SLC12A2: variants seen among roughly 807,000 people sequenced by gnomAD.
The protein encoded by SLC12A2 is solute carrier family 12 member 2, also known as Na-K-2Cl cotransporter 1.
SLC12A2 carries 67 observed loss-of-function variants against 136.3 expected under a neutral mutation model. The ratio of observed to expected loss-of-function variants is 0.49; its 90% CI spans 0.40 to 0.60. The LOEUF (loss-of-function observed/expected upper bound fraction) is 0.60, where lower values mean the gene tolerates loss of function less well. Ranked by LOEUF, SLC12A2 falls within the 20% of genes least tolerant of loss-of-function variation. SLC12A2 has a pLI of 0.00. For missense variants in SLC12A2, 1,322 were observed against 1,534.7 expected, an observed-to-expected ratio of 0.86 and a Z score of 2.32; for synonymous variants, 619 against 562.9, an observed-to-expected ratio of 1.10 and a Z score of -1.41.
chr5:128,105,555 A>G (rs970726184), intron 1 of SLC12A2, among the ~76,000 whole-genome samples: 4 of 152,160 alleles, frequency 2.6e-5, no homozygotes, highest in African/African-American at 7.2e-5. Context: ...AGGGGAAGCC[A>G]GGTTGGCTTG....
chr5:128,091,822 C>G (rs935760332), intron 1 of SLC12A2, among the ~76,000 whole-genome samples: 4 of 152,166 alleles, frequency 2.6e-5, no homozygotes, highest in African/African-American at 9.7e-5. Flanking sequence ...TATCATTGGA[C>G]TCAGAAATTT....
At chr5:128,126,967 T>TATATATATAA (rs1491322749) in intron 4 of SLC12A2, among the ~76,000 whole-genome samples, 4 of 29,650 alleles carry the variant, frequency 1.3e-4, no homozygotes, top group Admixed American at 8.4e-4. Flanking sequence ...TATATATATA[T>TATATATATAA]TTTTTTTTTT....
Position 128,092,691 on chromosome 5 carries a change from T to TC in SLC12A2, c.756+7982dup, listed in dbSNP as rs1581049723. Among the ~76,000 whole-genome samples, 3 of 152,326 alleles carry TC rather than the reference T, an allele frequency of 2.0e-5. No individual in the cohort carries two copies. The East Asian group carries it at 5.8e-4, about 29-fold the overall frequency. On this transcript the variant is annotated intron_variant, in intron 1 of 26. Transcript: ENST00000262461. Reference sequence around the variant, plus strand: ...CAAAGTTTGAAACCCCGTGTGTTTTTCACATACAGTACAGCACATCTCAAT... The same window carrying TC: ...CAAAGTTTGAAACCCCGTGTGTTTTTCCACATACAGTACAGCACATCTCAAT...
intron 1 of SLC12A2, among the ~76,000 whole-genome samples, chr5:128,093,145 T>C (rs970838211): frequency 1.3e-5 from 2 of 152,064 alleles, no homozygotes; most frequent in African/African-American, 4.8e-5. Context: ...TTTGTTCTGT[T>C]TTGTTTTGTT....
At chr5:128,136,883 T>C (rs929127478) in intron 7 of SLC12A2, among the ~76,000 whole-genome samples, 5 of 152,172 alleles carry the variant, frequency 3.3e-5, no homozygotes, top group African/African-American at 1.2e-4. Flanking sequence ...CATAAATATA[T>C]ATCCAACTGA....
At chr5:128,142,017 A>T in intron 10 of SLC12A2, 36 bp downstream of exon 10, 1 of 1,576,956 alleles carries the variant, frequency 6.3e-7, no homozygotes, top group African/African-American at 1.3e-5. Context: ...GACATTCTGT[A>T]TTTATCTAGG....
At chr5:128,105,177 G>A (rs981424660) in intron 1 of SLC12A2, among the ~76,000 whole-genome samples, 4 of 152,198 alleles carry the variant, frequency 2.6e-5, no homozygotes, top group Admixed American at 2.6e-4. Flanking sequence ...AATAGTAAAT[G>A]TAATGAAACA....
chr5:128,109,273 C>T (rs1761051317), intron 1 of SLC12A2, among the ~76,000 whole-genome samples: 1 of 152,362 alleles, frequency 6.6e-6, no homozygotes, highest in East Asian at 1.9e-4. Context: ...TCCCTGGTGA[C>T]CCTCACCTAG....
chr5:128,137,763 T>C (rs771440470), intron 7 of SLC12A2, among the ~76,000 whole-genome samples: 6 of 151,064 alleles, frequency 4.0e-5, no homozygotes, highest in Non-Finnish European at 1.5e-5. Flanking sequence ...GCTTTTATTG[T>C]TGTTGAAATA....
chr5:128,123,263 T>G (rs1003412639), intron 4 of SLC12A2, among the ~76,000 whole-genome samples: 1 of 152,174 alleles, frequency 6.6e-6, no homozygotes, highest in Non-Finnish European at 1.5e-5. Context: ...TCACCTCACC[T>G]TTCCCTATTT....
intron 20 of SLC12A2, among the ~76,000 whole-genome samples, chr5:128,176,682 G>A (rs906472324): frequency 5.3e-5 from 8 of 151,836 alleles, no homozygotes; most frequent in African/African-American, 1.9e-4. Flanking sequence ...TCCATTAAAT[G>A]TTTCTAAAAT....
In SLC12A2 at chr5:128,181,013, G is replaced by A; in HGVS notation, c.3212+19G>A. The A allele has an allele frequency of 7.3e-7, 1 of 1,366,840 alleles. No homozygotes were observed. The highest frequency in any genetic ancestry group is 1.0e-6 in the Non-Finnish European group (1 of 956,186). 84.7% of individuals were successfully genotyped at this position (1,366,840 alleles called of 1,614,324 possible). The stretch of plus-strand genomic sequence containing the variant: ...GGAGAGCGTAAGTTTATTTCACATT[G>A]AAGGGCATGAATCTATTAGCACTTC... On this transcript the variant is annotated intron_variant, in intron 23 of 26. Coordinates refer to ENST00000262461, the MANE Select transcript of SLC12A2 (RefSeq NM_001046.3).
intron 4 of SLC12A2, among the ~76,000 whole-genome samples, chr5:128,119,686 T>G (rs1270044867): frequency 2.6e-5 from 4 of 152,160 alleles, no homozygotes; most frequent in African/African-American, 9.7e-5. Flanking sequence ...TTTGGCTTCC[T>G]TACACCTTAT....
intron 17 of SLC12A2, among the ~76,000 whole-genome samples, chr5:128,163,699 T>G (rs1763115262): frequency 6.6e-6 from 1 of 152,128 alleles, no homozygotes; most frequent in Non-Finnish European, 1.5e-5. Context: ...GAAACAGTGC[T>G]TAGGAAAAAT....
In SLC12A2 at chr5:128,084,390, C is replaced by G. The variant is rs745879433; in HGVS notation, c.436C>G (p.Pro146Ala). ...CCGCTTCCGCGTGAACTTCGTGGACCCAGCTGCCTCCTCGTCGGCTGAAGA... is the reference window on the plus strand; with the variant it reads ...CCGCTTCCGCGTGAACTTCGTGGACGCAGCTGCCTCCTCGTCGGCTGAAGA... ...KGRFRVNFVDPAASSSAEDSL... is the reference protein window; with the variant it reads ...KGRFRVNFVDAAASSSAEDSL... Residue 146 changes from proline (P) to alanine (A), a missense_variant, in exon 1 of 27, where the codon CCA (proline) becomes GCA (alanine). This residue lies in a region of SLC12A2 where 358 missense variants were observed against 299.7 expected (regional missense o/e 1.19). Transcript: ENST00000262461. The surrounding 1 kb of genome is among the most constrained non-coding windows in gnomAD (Gnocchi z 5.6). The G allele has an allele frequency of 6.2e-7, 1 of 1,608,912 alleles. No homozygotes were observed. The highest frequency in any genetic ancestry group is 1.7e-5 in the Admixed American group (1 of 59,834).
At position 128,180,903 on chromosome 5, in the gene SLC12A2, T is replaced by C; in HGVS notation, c.3121T>C (p.Tyr1041His). The change falls in exon 23 of 27, where the codon TAC becomes CAC. Residue 1041 changes from tyrosine (Y) to histidine (H), a missense_variant. By Grantham distance (83) the Tyr-to-His change is moderately conservative (BLOSUM62 2). Around this residue, in one of 8 missense-constraint regions of SLC12A2, gnomAD observed 172 missense variants for 227.4 expected, o/e 0.76. Transcript: ENST00000262461. Reference sequence around the variant, plus strand: ...TTCAGGTTTGACCTTATTGATACCTTACCTTCTGACGACCAAGAAAAAATG... The same window carrying C: ...TTCAGGTTTGACCTTATTGATACCTCACCTTCTGACGACCAAGAAAAAATG... The part of the protein sequence containing the change: ...DDGGLTLLIP[Y>H]LLTTKKKWKD... The C allele has an allele frequency of 6.2e-7, 1 of 1,604,974 alleles. No individual in the cohort carries two copies. Among genetic ancestry groups the C allele is most frequent in the South Asian group, 1.1e-5 (1 of 90,822 alleles).
intron 4 of SLC12A2, among the ~76,000 whole-genome samples, chr5:128,116,774 G>T (rs1045916580): frequency 6.6e-6 from 1 of 152,144 alleles, no homozygotes; most frequent in Non-Finnish European, 1.5e-5. Flanking sequence ...CAGCTGGATG[G>T]TCTTTATAGA....
chr5:128,099,994 A>G (rs190417268), intron 1 of SLC12A2, among the ~76,000 whole-genome samples: 224 of 151,798 alleles, frequency 1.5e-3, no homozygotes, highest in African/African-American at 4.8e-3. Flanking sequence ...AACCGGTAAC[A>G]TATTTATTAT....
At chr5:128,163,778 T>C (rs932200528) in intron 17 of SLC12A2, among the ~76,000 whole-genome samples, 1 of 152,180 alleles carries the variant, frequency 6.6e-6, no homozygotes, top group Admixed American at 6.5e-5. Context: ...AAATTTTATA[T>C]GTATGCATTT....
Sources: allele counts gnomAD v4.1 joint callset (sites outside exome capture counted in the v4.1 genomes callset), GRCh38; gene constraint gnomAD v4.1.1; regional missense constraint gnomAD v4.1.1; non-coding constraint Gnocchi (gnomAD v3.1); transcripts MANE v1.5; gene names NCBI Gene and HGNC (gene_info 2026-07-23, HGNC 2026-07-21).